The following TEX15 variants were observed in gnomAD, a reference collection of about 807,000 sequenced individuals.
The protein encoded by TEX15 is testis expressed 15, meiosis and synapsis associated, also known as testis-expressed protein 15.
A neutral mutation model predicts 237.3 loss-of-function variants in TEX15; 171 were observed. That is an observed-to-expected ratio of 0.72 (90% CI 0.64 to 0.82). TEX15 has a LOEUF of 0.82. TEX15 is among the 40% of genes least tolerant of loss of function. The pLI is 0.00. For synonymous variants in TEX15, 1,338 were observed against 1,269.8 expected (o/e 1.05, Z -1.14); for missense variants, 3,750 against 3,646.5 (o/e 1.03, Z -0.73).
chr8:30,889,954 C>CATATATATATATATATACAT, intron 2 of TEX15, among the ~76,000 whole-genome samples: 1 of 110,086 alleles, frequency 9.1e-6, no homozygotes, highest in African/African-American at 4.5e-5. Context: ...TATATATATA[C>CATATATATATATATATACAT]ATATATATAT....
At chr8:30,879,210 G>T (rs1808468600) in intron 3 of TEX15, among the ~76,000 whole-genome samples, 1 of 151,954 alleles carries the variant, frequency 6.6e-6, no homozygotes, top group Admixed American at 6.6e-5. Flanking sequence ...ATCTGCAAAT[G>T]CTTTTTTCCC....
rs755752055 is a variant in TEX15 at position 30,843,807 on chromosome 8, A to T, written c.6360T>A (p.Phe2120Leu). ...YAELLGKPRGFQQQSNFYPGF... is the reference protein window; with the variant it reads ...YAELLGKPRGLQQQSNFYPGF... ...CAGGATAGAAATTAGACTGCTGTTG[A>T]AATCCACGTGGTTTTCCAAGAAGCT... is the stretch of plus-strand genomic sequence containing the variant. Residue 2120 changes from phenylalanine to leucine, a missense_variant, in exon 8 of 11, where the codon TTT becomes TTA. By Grantham distance (22) the Phe-to-Leu change is conservative (BLOSUM62 0). Transcript: ENST00000643185. 8.1e-6 allele frequency: 13 copies of T among 1,613,212 alleles called. No individual in the cohort carries two copies. In the East Asian group the frequency reaches 2.9e-4, roughly 36 times the overall value.
chr8:30,885,740 G>A (rs540089863), intron 3 of TEX15, among the ~76,000 whole-genome samples: 5 of 152,278 alleles, frequency 3.3e-5, no homozygotes, highest in African/African-American at 9.6e-5. Flanking sequence ...GACTGATGGT[G>A]TTGCTGAGTT....
At position 30,845,174 on chromosome 8, in the gene TEX15, G is replaced by C; in HGVS notation, c.4993C>G (p.Leu1665Val). 1 of 1,613,402 alleles carries C rather than the reference G, an allele frequency of 6.2e-7. No homozygotes were observed. The highest frequency in any genetic ancestry group is 8.5e-7 in the Non-Finnish European group (1 of 1,179,486). The change falls in exon 8 of 11, where the codon CTC becomes GTC. Residue 1665 changes from leucine to valine, a missense_variant. Transcript: ENST00000643185. ...DSNVKHFLND[L>V]YQQGNLILSD... ...AAAATAAGGTTACCTTGTTGGTAGA[G>C]ATCATTTAAAAAGTGCTTCACATTT... is the stretch of plus-strand genomic sequence containing the variant.
intron 2 of TEX15, among the ~76,000 whole-genome samples, chr8:30,891,954 A>C (rs1808803827): frequency 6.6e-6 from 1 of 152,078 alleles, no homozygotes; most frequent in Admixed American, 6.5e-5. Context: ...AATTCCCCCC[A>C]CTTTTAAAAA....
intron 3 of TEX15, among the ~76,000 whole-genome samples, chr8:30,883,131 G>A (rs1177052267): frequency 2.0e-5 from 3 of 151,594 alleles, no homozygotes; most frequent in Admixed American, 2.0e-4. Flanking sequence ...TTTTTTTAGA[G>A]ACAGGGTCTC....
At chr8:30,865,040 C>A (rs981892326) in intron 5 of TEX15, among the ~76,000 whole-genome samples, 5 of 151,884 alleles carry the variant, frequency 3.3e-5, no homozygotes, top group Non-Finnish European at 5.9e-5. Context: ...CAAAGGAAGA[C>A]TTTGTTTTTA....
At chr8:30,872,128 C>T (rs1262002185) in intron 4 of TEX15, among the ~76,000 whole-genome samples, 3 of 152,076 alleles carry the variant, frequency 2.0e-5, no homozygotes, top group African/African-American at 7.2e-5. Context: ...TCCCACCATC[C>T]AAGGCCCTCA....
chr8:30,836,212 T>TTG (rs1305996663), intron 10 of TEX15, among the ~76,000 whole-genome samples: 4 of 123,950 alleles, frequency 3.2e-5, no homozygotes, highest in Non-Finnish European at 6.7e-5. Context: ...ATCGTTTTTT[T>TTG]TTTTTTTTTT....
chr8:30,906,654 C>G (rs1362725859), intron 1 of TEX15, among the ~76,000 whole-genome samples: 4 of 151,342 alleles, frequency 2.6e-5, no homozygotes, highest in Admixed American at 2.6e-4. Flanking sequence ...GTATTTGTAC[C>G]TTGGATAAGC....
At position 30,847,083 on chromosome 8, in the gene TEX15, A is replaced by G; in HGVS notation, c.3084T>C (p.Asp1028=). The G allele has an allele frequency of 6.2e-7, 1 of 1,613,374 alleles. No homozygotes were observed. The highest frequency in any genetic ancestry group is 1.6e-4 in the Middle Eastern group (1 of 6,062). ...TATTTTTATCCGTATCAATTTCACA[A>G]TCAGAAACCCTATGTTTTACTAACA... ...FGLLVKHRVS[D]CEIDTDKNKS... The change falls in exon 8 of 11, where the codon GAT becomes GAC. Residue 1028 remains aspartate (D), a synonymous_variant. Coordinates refer to ENST00000643185, the MANE Select transcript of TEX15 (RefSeq NM_001350162.2).
intron 2 of TEX15, 60 bp from the exon 3 acceptor site, chr8:30,887,371 A>G: frequency 7.5e-7 from 1 of 1,337,452 alleles, no homozygotes; most frequent in Non-Finnish European, 9.7e-7. Flanking sequence ...AGGCAATGGC[A>G]GTACAATCAT....
intron 9 of TEX15, among the ~76,000 whole-genome samples, chr8:30,839,593 C>T (rs1807395573): frequency 6.6e-6 from 1 of 152,078 alleles, no homozygotes; most frequent in East Asian, 1.9e-4. Flanking sequence ...GTGAAACAAT[C>T]ACCCTTTTCT....
At chr8:30,839,847 T>C (rs920019299) in intron 9 of TEX15, 59 bp downstream of exon 9, 1 of 1,079,532 alleles carries the variant, frequency 9.3e-7, no homozygotes, top group South Asian at 1.6e-5. Flanking sequence ...TCTAGTTGTT[T>C]AGTATTTGCC....
At chr8:30,905,723 T>C (rs962094041) in intron 1 of TEX15, among the ~76,000 whole-genome samples, 1 of 51,370 alleles carries the variant, frequency 1.9e-5, no homozygotes, top group Non-Finnish European at 3.2e-5. Flanking sequence ...AACCTGTCTT[T>C]ACAAAAAATA....
chr8:30,847,288 C>T lies in TEX15; in HGVS notation c.2879G>A (p.Ser960Asn), dbSNP rs755122765. ...TGTCGTGGAAGCCAAATGCTCTACA[C>T]TTCTTCCAGTATTTTCAGTATCTTT... ...KQKDTENTGR[S>N]VEHLASTTFP... is the part of the protein sequence containing the mutation. The change falls in exon 8 of 11, where the codon AGT becomes AAT. Residue 960 changes from serine to asparagine, a missense_variant. By Grantham distance (46) the Ser-to-Asn change is conservative. Coordinates refer to ENST00000643185, the MANE Select transcript of TEX15 (RefSeq NM_001350162.2). 1.9e-6 allele frequency: 3 copies of T among 1,613,984 alleles called. No homozygotes were observed. The highest frequency in any genetic ancestry group is 1.3e-5 in the African/African-American group (1 of 75,056).
At chr8:30,891,147 G>A (rs1407602452) in intron 2 of TEX15, among the ~76,000 whole-genome samples, 1 of 152,042 alleles carries the variant, frequency 6.6e-6, no homozygotes, top group Non-Finnish European at 1.5e-5. Context: ...GAGCTCAAGC[G>A]ATCAATAAAT....
In TEX15 at chr8:30,846,254, G is replaced by T. The variant is rs775950934; in HGVS notation, c.3913C>A (p.His1305Asn). ...VESRISKRKL[H>N]ISSRDQNIPH... ...ATGTTCTGATCCCTGGAAGATATAT[G>T]TAGCTTCCTTTTGCTAATTCTTGAT... The change falls in exon 8 of 11, where the codon CAT (histidine) becomes AAT (asparagine). Residue 1305 changes from histidine to asparagine, a missense_variant. By Grantham distance (68) the His-to-Asn change is moderately conservative. Coordinates refer to ENST00000643185, the MANE Select transcript of TEX15 (RefSeq NM_001350162.2). The T allele has an allele frequency of 6.2e-7, 1 of 1,613,458 alleles. No individual in the cohort carries two copies. The highest frequency in any genetic ancestry group is 1.1e-5 in the South Asian group (1 of 91,044).
chr8:30,874,971 T>A lies in TEX15; in HGVS notation c.268A>T (p.Asn90Tyr). 1 of 1,365,552 alleles carries A rather than the reference T, an allele frequency of 7.3e-7. No individual in the cohort carries two copies. Among genetic ancestry groups the A allele is most frequent in the Non-Finnish European group, 9.4e-7 (1 of 1,059,496 alleles). The allele number at this position is 1,365,552 out of a possible 1,614,324, so 84.6% of individuals were successfully genotyped here. The part of the protein sequence containing the change: ...WQFGDTKLVH[N>Y]EELEKNFTAK... ...GTAAAATTTTTTTCCAGTTCCTCAT[T>A]GTGAACCAGTTTTGTATCCCCAAAC... The change falls in exon 4 of 11, where the codon AAT becomes TAT. Residue 90 changes from asparagine (N) to tyrosine (Y), a missense_variant. Physicochemically the swap from Asn to Tyr is moderately radical, Grantham distance 143. Coordinates refer to ENST00000643185, the MANE Select transcript of TEX15 (RefSeq NM_001350162.2).
Sources: allele counts gnomAD v4.1 joint callset (sites outside exome capture counted in the v4.1 genomes callset), GRCh38; gene constraint gnomAD v4.1.1; transcripts MANE v1.5; gene names NCBI Gene and HGNC (gene_info 2026-07-23, HGNC 2026-07-21).